Variants in USP7 observed in about 807,000 individuals in gnomAD.
The protein encoded by USP7 is ubiquitin specific peptidase 7.
Under a neutral mutation model 162.9 loss-of-function variants are expected in USP7, and 9 were observed. The observed-to-expected ratio is 0.06, with a 90% CI of 0.03 to 0.10. The LOEUF is 0.10. USP7 is among the 10% of genes least tolerant of loss of function. USP7 has a pLI of 1.00. For synonymous variants in USP7, 562 were observed against 475.9 expected, an observed-to-expected ratio of 1.18 and a Z score of -2.35; for missense variants, 715 against 1,373.7, an observed-to-expected ratio of 0.52 and a Z score of 7.58.
At chr16:8,913,271 A>G (rs1157430453) in intron 10 of USP7, among the ~76,000 whole-genome samples, 1 of 152,108 alleles carries the variant, frequency 6.6e-6, no homozygotes. Flanking sequence ...CAGGAGAATC[A>G]CTTGAGCCCA....
intron 1 of USP7, among the ~76,000 whole-genome samples, chr16:8,936,400 T>C (rs2052599148): frequency 6.6e-6 from 1 of 152,174 alleles, no homozygotes; most frequent in African/African-American, 2.4e-5. Flanking sequence ...CATTTAAATA[T>C]ATGACTTAAA....
chr16:8,905,158 A>G, intron 14 of USP7, 29 bp downstream of exon 14: 1 of 1,606,760 alleles, frequency 6.2e-7, no homozygotes, highest in Non-Finnish European at 8.5e-7. Context: ...ACCACAGTAA[A>G]GAACAGAACA....
intron 1 of USP7, among the ~76,000 whole-genome samples, chr16:8,942,222 T>C (rs1899079208): frequency 6.6e-6 from 1 of 152,244 alleles, no homozygotes; most frequent in Non-Finnish European, 1.5e-5. Context: ...CTCCACCCAA[T>C]GAACAGGAAG....
intron 1 of USP7, among the ~76,000 whole-genome samples, chr16:8,959,303 ATACCATGAATTTTTACT>A (rs2141269217): frequency 6.6e-6 from 1 of 151,996 alleles, no homozygotes; most frequent in Admixed American, 6.6e-5. Flanking sequence ...ACAGTCTGTT[ATACCATGAATTTTTACT>A]TAATGACCTC....
intron 27 of USP7, 51 bp from the exon 28 acceptor site, chr16:8,895,201 A>C: frequency 1.2e-6 from 2 of 1,613,068 alleles, no homozygotes; most frequent in Non-Finnish European, 1.7e-6. Context: ...TGATGTGGTC[A>C]AAGTGTCCAC....
chr16:8,956,999 CCT>C (rs1351163366), intron 1 of USP7, among the ~76,000 whole-genome samples: 1 of 152,172 alleles, frequency 6.6e-6, no homozygotes, highest in African/African-American at 2.4e-5. Flanking sequence ...TTCTTGCCAG[CCT>C]CTGTCTCAGG....
chr16:8,960,571 C>T (rs1899969906), intron 1 of USP7, among the ~76,000 whole-genome samples: 2 of 152,174 alleles, frequency 1.3e-5, no homozygotes, highest in African/African-American at 4.8e-5. Context: ...GTTTACAAAG[C>T]CTTCCCTTCC....
chr16:8,909,405 A>G (rs570153025), intron 11 of USP7, among the ~76,000 whole-genome samples: 2 of 152,166 alleles, frequency 1.3e-5, no homozygotes, highest in African/African-American at 4.8e-5. Flanking sequence ...AAGAGGACAG[A>G]GCTATCTCAG....
In USP7 at chr16:8,905,341, A is replaced by G. The variant is rs200187793; in HGVS notation, c.1429-10T>C. 1.1e-5 allele frequency: 18 copies of G among 1,613,448 alleles called. No homozygotes were observed. Among genetic ancestry groups the G allele is most frequent in the Non-Finnish European group, 1.5e-5 (18 of 1,179,356 alleles). Reference sequence around the variant, plus strand: ...CATCAAATTTACACCACTGCAAGGAAAACAACACACACCAGCAGCGATCAA... The same window carrying G: ...CATCAAATTTACACCACTGCAAGGAGAACAACACACACCAGCAGCGATCAA... On this transcript the variant is annotated splice_polypyrimidine_tract_variant and intron_variant, in intron 13 of 30. Transcript: ENST00000344836.
At chr16:8,902,628 G>C (rs2061793490) in intron 16 of USP7, 146 bp from the exon 17 acceptor site, 1 of 716,642 alleles carries the variant, frequency 1.4e-6, no homozygotes, top group Admixed American at 3.3e-5. Flanking sequence ...TGTGGCTCTC[G>C]CCTGTAATCC....
intron 10 of USP7, among the ~76,000 whole-genome samples, chr16:8,913,981 T>C (rs2061991300): frequency 6.6e-6 from 1 of 151,836 alleles, no homozygotes; most frequent in South Asian, 2.1e-4. Flanking sequence ...CAAGCAATCC[T>C]CCCGACTCAG....
At chr16:8,935,135 G>A (rs911517919) in intron 1 of USP7, among the ~76,000 whole-genome samples, 1 of 151,896 alleles carries the variant, frequency 6.6e-6, no homozygotes, top group Non-Finnish European at 1.5e-5. Flanking sequence ...AGTTTTATAT[G>A]CCACCTTTTC....
intron 1 of USP7, among the ~76,000 whole-genome samples, chr16:8,954,348 C>G (rs1442481147): frequency 1.3e-5 from 2 of 152,214 alleles, no homozygotes; most frequent in African/African-American, 2.4e-5. Context: ...AAATCTGACT[C>G]TGCTGCAACA....
chr16:8,895,332 A>G (rs187702601), intron 27 of USP7, among the ~76,000 whole-genome samples, 182 bp from the exon 28 acceptor site: 1 of 152,218 alleles, frequency 6.6e-6, no homozygotes, highest in Non-Finnish European at 1.5e-5. Flanking sequence ...AAGATATCCA[A>G]GTTTCTTCCC....
chr16:8,903,867 C>CAA (rs36064651), intron 15 of USP7, among the ~76,000 whole-genome samples: 18 of 120,608 alleles, frequency 1.5e-4, no homozygotes, highest in African/African-American at 4.4e-4. Context: ...AACTCTGTCT[C>CAA]AAAAAAAAAA....
chr16:8,892,265 G>C lies in USP7; in HGVS notation c.*1733C>G, dbSNP rs569326314. ...CCCTGCTCTAACTCCTCTTTCTGGGGGAGGAAGGAGGGAAGGGCCAGGTCC... is the reference window on the plus strand; with the variant it reads ...CCCTGCTCTAACTCCTCTTTCTGGGCGAGGAAGGAGGGAAGGGCCAGGTCC... On this transcript the variant is annotated 3_prime_UTR_variant, in exon 31 of 31. Coordinates refer to ENST00000344836, the MANE Select transcript of USP7 (RefSeq NM_003470.3). 3 of 152,320 alleles carry C rather than the reference G, an allele frequency of 2.0e-5. No homozygotes were observed. The highest frequency in any genetic ancestry group is 4.4e-5 in the Non-Finnish European group (3 of 68,122). The allele number at this position is 152,320 out of a possible 1,614,324, so 9.4% of individuals were successfully genotyped here. A position where few individuals can be genotyped will look rare whatever the true frequency, so the allele number is the denominator to read the frequency against.
intron 1 of USP7, among the ~76,000 whole-genome samples, chr16:8,949,394 C>T (rs1342089761): frequency 6.6e-6 from 1 of 152,160 alleles, no homozygotes; most frequent in Non-Finnish European, 1.5e-5. Context: ...ATTGAAAATG[C>T]CTGGGGCACA....
At chr16:8,960,747 A>T (rs2141270335) in intron 1 of USP7, among the ~76,000 whole-genome samples, 1 of 152,288 alleles carries the variant, frequency 6.6e-6, no homozygotes, top group East Asian at 1.9e-4. Context: ...TTTTTAACAG[A>T]AGTGTTCTCT....
chr16:8,917,226 T>G (rs2141204241), intron 6 of USP7, 70 bp from the exon 7 acceptor site: 2 of 1,491,476 alleles, frequency 1.3e-6, no homozygotes, highest in East Asian at 4.7e-5. Context: ...CAGTAAGAAT[T>G]TAATCTTCAT....
Sources: allele counts gnomAD v4.1 joint callset (sites outside exome capture counted in the v4.1 genomes callset), GRCh38; gene constraint gnomAD v4.1.1; transcripts MANE v1.5; gene names NCBI Gene and HGNC (gene_info 2026-07-23, HGNC 2026-07-21).